CFAP161: variants seen among roughly 807,000 people sequenced by gnomAD.
The protein encoded by CFAP161 is cilia and flagella associated protein 161.
Under a neutral mutation model 29.0 loss-of-function variants are expected in CFAP161, and 25 were observed. That is an observed-to-expected ratio of 0.86 (90% confidence interval 0.63 to 1.20). The LOEUF (loss-of-function observed/expected upper bound fraction) is 1.20, where lower values mean the gene tolerates loss of function less well. Among genes scored for constraint, CFAP161 ranks in the 50% most tolerant of loss-of-function variants. The pLI is 0.00. For synonymous variants in CFAP161, 116 were observed against 137.4 expected, an observed-to-expected ratio of 0.84 and a Z score of 1.09; for missense variants, 367 against 371.9, an observed-to-expected ratio of 0.99 and a Z score of 0.11.
intron 5 of CFAP161, among the ~76,000 whole-genome samples, chr15:81,144,436 A>T (rs1441443485): frequency 6.6e-6 from 1 of 152,118 alleles, no homozygotes; most frequent in Non-Finnish European, 1.5e-5. Context: ...TCTCTACAAA[A>T]AATACAAAAA....
intron 1 of CFAP161, among the ~76,000 whole-genome samples, chr15:81,124,317 T>C (rs977289506): frequency 3.9e-5 from 6 of 152,360 alleles, no homozygotes; most frequent in Non-Finnish European, 7.3e-5. Flanking sequence ...ATCACACTTA[T>C]TGATTTGCAT....
At chr15:81,147,397 G>A (rs1203524116) in intron 5 of CFAP161, among the ~76,000 whole-genome samples, 1 of 152,064 alleles carries the variant, frequency 6.6e-6, no homozygotes, top group East Asian at 1.9e-4. Flanking sequence ...TTTGGTGGAC[G>A]CATCTTTGAC....
chr15:81,118,122 T>C, intron 1 of CFAP161: 1 of 527,630 alleles, frequency 1.9e-6, no homozygotes, highest in Non-Finnish European at 3.5e-6. Context: ...AGTTTAAATG[T>C]GTGAGATTTG....
At chr15:81,118,262 C>A in intron 1 of CFAP161, 2 of 517,474 alleles carry the variant, frequency 3.9e-6, no homozygotes, top group South Asian at 3.6e-5. Context: ...CGGAGGAACT[C>A]TAAGTTCACA....
intron 1 of CFAP161, among the ~76,000 whole-genome samples, chr15:81,109,930 A>G (rs1327688309): frequency 6.6e-6 from 1 of 152,176 alleles, no homozygotes; most frequent in African/African-American, 2.4e-5. Context: ...CATTATTACC[A>G]TAAACTTTCA....
Position 81,148,501 on chromosome 15 carries a change from A to T in CFAP161, c.874A>T (p.Met292Leu), listed in dbSNP as rs769409268. The T allele has an allele frequency of 6.6e-5, 107 of 1,614,108 alleles. No homozygotes were observed. The highest frequency in any genetic ancestry group is 8.7e-5 in the Non-Finnish European group (103 of 1,180,040). Residue 292 changes from methionine (M) to leucine (L), a missense_variant, in exon 7 of 7, where the codon ATG becomes TTG. Coordinates refer to ENST00000286732, the MANE Select transcript of CFAP161 (RefSeq NM_173528.4). ...ACCACCCACAGAGGACACTCGAGCC[A>T]TGGAGCAGGCCATGGGCCTTGACAC... ...PKPPTEDTRA[M>L]EQAMGLDTQ is the part of the protein sequence containing the mutation.
intron 2 of CFAP161, among the ~76,000 whole-genome samples, chr15:81,135,681 A>T (rs1285045356): frequency 6.6e-6 from 1 of 152,044 alleles, no homozygotes; most frequent in Non-Finnish European, 1.5e-5. Flanking sequence ...CCATGTCCCT[A>T]CAAAGGACAT....
chr15:81,126,294 T>G (rs1361304432), intron 1 of CFAP161, among the ~76,000 whole-genome samples: 3 of 152,240 alleles, frequency 2.0e-5, no homozygotes, highest in African/African-American at 7.2e-5. Flanking sequence ...ATCAAAATTT[T>G]GGGTAAAGCA....
At chr15:81,123,862 G>T (rs2460852) in intron 1 of CFAP161, among the ~76,000 whole-genome samples, 108,357 of 152,042 alleles carry the variant, frequency 0.71, 39,240 homozygotes, top group Non-Finnish European at 0.78. Flanking sequence ...TATATAGGAA[G>T]GCTAGCAATT....
At chr15:81,105,163 T>TCCCTTCCGTCCCTC (rs1246992229) in intron 1 of CFAP161, among the ~76,000 whole-genome samples, 7 of 33,156 alleles carry the variant, frequency 2.1e-4, no homozygotes, top group African/African-American at 1.1e-3. Context: ...CTCCCTCCCT[T>TCCCTTCCGTCCCTC]CCTTCCTCCC....
Position 81,148,570 on chromosome 15 carries a change from C to G in CFAP161, c.*37C>G, listed in dbSNP as rs1895051521. 4.5e-6 allele frequency: 7 copies of G among 1,568,618 alleles called. No homozygotes were observed. Among genetic ancestry groups the G allele is most frequent in the South Asian group, 3.5e-5 (3 of 86,142 alleles). Reference sequence around the variant, plus strand: ...CGTGCATGTTTTCCCTGGTCCCGCTCTCATCAAATGTAGCTTTAAAAGAAA... The same window carrying G: ...CGTGCATGTTTTCCCTGGTCCCGCTGTCATCAAATGTAGCTTTAAAAGAAA... On this transcript the variant is annotated 3_prime_UTR_variant, in exon 7 of 7. Coordinates refer to ENST00000286732, the MANE Select transcript of CFAP161 (RefSeq NM_173528.4).
chr15:81,135,216 A>G, intron 1 of CFAP161, 54 bp from the exon 2 acceptor site: 1 of 1,270,270 alleles, frequency 7.9e-7, no homozygotes, highest in South Asian at 1.5e-5. Flanking sequence ...CCTAAAAGTT[A>G]TTAATACTAA....
intron 4 of CFAP161, among the ~76,000 whole-genome samples, 168 bp downstream of exon 4, chr15:81,138,303 C>A (rs923468245): frequency 6.6e-6 from 1 of 152,242 alleles, no homozygotes; most frequent in African/African-American, 2.4e-5. Context: ...TGGGCCAAGC[C>A]AGTCTTTCCT....
At chr15:81,106,612 A>G (rs1326193544) in intron 1 of CFAP161, among the ~76,000 whole-genome samples, 2 of 152,236 alleles carry the variant, frequency 1.3e-5, no homozygotes, top group Non-Finnish European at 2.9e-5. Flanking sequence ...CCTTGCTGTC[A>G]CTGCATCATT....
chr15:81,130,258 T>G (rs944837314), upstream of CFAP161, among the ~76,000 whole-genome samples: 4 of 152,226 alleles, frequency 2.6e-5, no homozygotes, highest in African/African-American at 9.6e-5. Flanking sequence ...TTTCTTATCA[T>G]TTGTGTTTTC....
chr15:81,130,049 T>C (rs907732595), upstream of CFAP161, among the ~76,000 whole-genome samples: 2 of 151,906 alleles, frequency 1.3e-5, no homozygotes, highest in African/African-American at 4.8e-5. Context: ...AGCCTTTACA[T>C]CAGAACTTAC....
intron 4 of CFAP161, among the ~76,000 whole-genome samples, chr15:81,140,720 G>A (rs1006397026): frequency 1.3e-5 from 2 of 151,610 alleles, no homozygotes; most frequent in African/African-American, 4.8e-5. Context: ...CATTATACCT[G>A]GCTAAGTTTT....
rs188441449 is a variant in CFAP161 at position 81,109,863 on chromosome 15, T to C, written c.-141-17727T>C. Among the ~76,000 whole-genome samples, 30 of 152,336 alleles carry C rather than the reference T, an allele frequency of 2.0e-4. 1 individual carries two copies. In the East Asian group the frequency reaches 5.0e-3, roughly 25 times the overall value. ...CCACTGCAGGCTTCATCTTCAACAT[T>C]GCCTCATCCCTTATTAAAATTAATT... On this transcript the variant is annotated intron_variant, in intron 1 of 4. Coordinates refer to the CFAP161 transcript ENST00000560091.
intron 1 of CFAP161, chr15:81,099,430 C>T (rs1011613282): frequency 2.0e-5 from 3 of 152,306 alleles, no homozygotes; most frequent in Non-Finnish European, 4.4e-5. Context: ...ATGAAGAATT[C>T]CTGCCAGACT....
Sources: gnomAD v4.1 joint callset for allele counts (sites outside exome capture counted in the v4.1 genomes callset) on GRCh38, gnomAD v4.1.1 for gene constraint, MANE v1.5 for transcripts, NCBI Gene and HGNC (gene_info 2026-07-23, HGNC 2026-07-21) for gene names.